Variants in ASIC2 observed in about 807,000 individuals in gnomAD.
The protein encoded by ASIC2 is acid-sensing ion channel 2.
A neutral mutation model predicts 57.3 loss-of-function variants in ASIC2; 25 were observed. The observed-to-expected ratio is 0.44, with a 90% CI of 0.32 to 0.61. The LOEUF (loss-of-function observed/expected upper bound fraction) is 0.61. ASIC2 is among the 20% of genes least tolerant of loss of function. The probability of loss-of-function intolerance (pLI) is 0.06; values close to 1 mark genes in which losing one functional copy is unlikely to be tolerated. For missense variants in ASIC2, 641 were observed against 738.1 expected (o/e 0.87, Z 1.52); for synonymous variants, 319 against 307.5 (o/e 1.04, Z -0.39).
At position 34,108,508 on chromosome 17, in the gene ASIC2, T is replaced by C. The variant is rs35638276; in HGVS notation, c.555+47470A>G. ...TAACTTACCCTATTACCCTATAAGATTTCAAACTTTTGAAGTTTACTATGA... is the reference window on the plus strand; with the variant it reads ...TAACTTACCCTATTACCCTATAAGACTTCAAACTTTTGAAGTTTACTATGA... On this transcript the variant is annotated intron_variant, in intron 1 of 9. Coordinates refer to the ASIC2 transcript ENST00000359872. Among the ~76,000 whole-genome samples the C allele has an allele frequency of 4.3e-3, 648 of 152,308 alleles. 9 individuals are homozygous for C. Among genetic ancestry groups the C allele is most frequent in the African/African-American group, 0.015 (626 of 41,588 alleles).
chr17:33,902,788 A>G (rs1176359771), intron 1 of ASIC2, among the ~76,000 whole-genome samples: 1 of 152,202 alleles, frequency 6.6e-6, no homozygotes, highest in Non-Finnish European at 1.5e-5. Context: ...CGAAGACCCA[A>G]TTCTTCAAGA....
At chr17:34,078,051 C>T (rs1909737413) in intron 1 of ASIC2, among the ~76,000 whole-genome samples, 1 of 152,182 alleles carries the variant, frequency 6.6e-6, no homozygotes, top group Non-Finnish European at 1.5e-5. Flanking sequence ...CCAGAATGCC[C>T]TCCTCCTGGC....
At chr17:33,598,699 G>A (rs1905046783) in intron 1 of ASIC2, among the ~76,000 whole-genome samples, 1 of 152,104 alleles carries the variant, frequency 6.6e-6, no homozygotes, top group Admixed American at 6.5e-5. Flanking sequence ...TGCATGTATA[G>A]AGCCTATTAC....
chr17:33,221,104 C>T (rs756075575), intron 1 of ASIC2, among the ~76,000 whole-genome samples: 27 of 151,930 alleles, frequency 1.8e-4, no homozygotes, highest in Non-Finnish European at 3.5e-4. Flanking sequence ...TAAAGAATGC[C>T]AGGTGTAGGC....
chr17:33,307,434 T>C (rs961665858), intron 1 of ASIC2, among the ~76,000 whole-genome samples: 5 of 152,082 alleles, frequency 3.3e-5, no homozygotes, highest in Non-Finnish European at 7.4e-5. Context: ...TTAAGCCTCC[T>C]GAGCAGCTGG....
At chr17:34,130,850 A>G (rs1911931737) in intron 1 of ASIC2, among the ~76,000 whole-genome samples, 1 of 152,254 alleles carries the variant, frequency 6.6e-6, no homozygotes, top group Non-Finnish European at 1.5e-5. Context: ...AAGCTTATAC[A>G]TGAAATTATT....
intron 1 of ASIC2, among the ~76,000 whole-genome samples, chr17:33,962,977 G>C (rs1904971214): frequency 6.6e-6 from 1 of 151,978 alleles, no homozygotes; most frequent in African/African-American, 2.4e-5. Context: ...TCTCTACTTG[G>C]GGTGTCAGCT....
chr17:33,606,536 C>T (rs1366522284), intron 1 of ASIC2, among the ~76,000 whole-genome samples: 4 of 152,202 alleles, frequency 2.6e-5, no homozygotes, highest in Admixed American at 6.5e-5. Flanking sequence ...CCCCCTCCAA[C>T]CTACCACCTT....
intron 1 of ASIC2, among the ~76,000 whole-genome samples, chr17:33,930,861 A>G (rs1915915898): frequency 2.0e-5 from 3 of 152,088 alleles, no homozygotes; most frequent in African/African-American, 7.2e-5. Flanking sequence ...CAGATTTTAC[A>G]ACTCCCTTGT....
chr17:33,482,932 G>T (rs1898793631), intron 1 of ASIC2, among the ~76,000 whole-genome samples: 1 of 152,162 alleles, frequency 6.6e-6, no homozygotes, highest in African/African-American at 2.4e-5. Flanking sequence ...TCTTTTCCTT[G>T]ACTCCATTTC....
intron 1 of ASIC2, chr17:34,036,680 G>GTTTTT (rs71147413): frequency 6.6e-3 from 664 of 100,508 alleles, no homozygotes; most frequent in Non-Finnish European, 0.011. Context: ...CTTTGAATTT[G>GTTTTT]TTTTTTTTTT....
At position 34,143,586 on chromosome 17, in the gene ASIC2, A is replaced by T. The variant is rs538950949; in HGVS notation, c.555+12392T>A. 1.3e-3 allele frequency among the ~76,000 whole-genome samples: 191 copies of T among 152,294 alleles called. 4 individuals are homozygous for T. The highest frequency in any genetic ancestry group is 1.2e-3 in the East Asian group (6 of 5,176). On this transcript the variant is annotated intron_variant, in intron 1 of 9. Coordinates refer to the ASIC2 transcript ENST00000359872. Reference sequence around the variant, plus strand: ...CTCTGCCATGTTTTGATGCAGCACAAGGCTCTCAGCAGACCTTTTCTTTTG... The same window carrying T: ...CTCTGCCATGTTTTGATGCAGCACATGGCTCTCAGCAGACCTTTTCTTTTG...
At chr17:33,217,978 C>T (rs756290775) in intron 1 of ASIC2, among the ~76,000 whole-genome samples, 6 of 152,330 alleles carry the variant, frequency 3.9e-5, no homozygotes, top group East Asian at 3.9e-4. Context: ...CCACACTGTG[C>T]GCAGAAGCCC....
intron 1 of ASIC2, among the ~76,000 whole-genome samples, chr17:33,145,281 G>A (rs1320647610): frequency 1.3e-5 from 2 of 152,224 alleles, no homozygotes; most frequent in Non-Finnish European, 2.9e-5. Context: ...GATGGTCCTA[G>A]ACTCCAGTTT....
chr17:33,105,817 G>A (rs1194961737), intron 2 of ASIC2, among the ~76,000 whole-genome samples: 2 of 152,202 alleles, frequency 1.3e-5, no homozygotes, highest in Non-Finnish European at 2.9e-5. Flanking sequence ...CTTGTTGAAA[G>A]CTGGAGCAAA....
intron 3 of ASIC2, among the ~76,000 whole-genome samples, chr17:33,033,506 G>C (rs2091894724): frequency 6.6e-6 from 1 of 152,174 alleles, no homozygotes. Flanking sequence ...CCAGGTGCAG[G>C]ATCTGGGCAT....
Position 33,087,424 on chromosome 17 carries a change from C to G in ASIC2, c.987+1439G>C, listed in dbSNP as rs575339825. Among the ~76,000 whole-genome samples the G allele has an allele frequency of 2.0e-5, 3 of 152,236 alleles. No homozygotes were observed. In the East Asian group the frequency reaches 5.8e-4, roughly 29 times the overall value. Reference sequence around the variant, plus strand: ...CCTGCTCCTGCATCAAAGCTGCAATCCCATTCCCTATGTGCTTCAGTGAAG... The same window carrying G: ...CCTGCTCCTGCATCAAAGCTGCAATGCCATTCCCTATGTGCTTCAGTGAAG... On this transcript the variant is annotated intron_variant, in intron 3 of 9. Coordinates refer to ENST00000225823, the MANE Select transcript of ASIC2 (RefSeq NM_183377.2).
chr17:33,400,011 G>C (rs560624577), intron 1 of ASIC2, among the ~76,000 whole-genome samples: 2 of 152,344 alleles, frequency 1.3e-5, no homozygotes, highest in African/African-American at 4.8e-5. Flanking sequence ...TTACCATAGA[G>C]ACCTGTCTGC....
chr17:34,135,500 A>G (rs1026479285), intron 1 of ASIC2, among the ~76,000 whole-genome samples: 7 of 152,168 alleles, frequency 4.6e-5, no homozygotes, highest in Admixed American at 4.6e-4. Flanking sequence ...TAAAGTCCTG[A>G]TGCCTGGACA....
Sources: allele counts gnomAD v4.1 joint callset (sites outside exome capture counted in the v4.1 genomes callset), GRCh38; gene constraint gnomAD v4.1.1; transcripts MANE v1.5; gene names NCBI Gene and HGNC (gene_info 2026-07-23, HGNC 2026-07-21).